Variants in ZNF527 observed in about 807,000 individuals in gnomAD.
The protein encoded by ZNF527 is zinc finger protein 527.
ZNF527 carries 5 observed loss-of-function variants against 13.5 expected under a neutral mutation model. The ratio of observed to expected loss-of-function variants is 0.37; its 90% CI spans 0.19 to 0.78. The LOEUF (loss-of-function observed/expected upper bound fraction) is 0.78, where lower values mean the gene tolerates loss of function less well. Ranked by LOEUF, ZNF527 falls within the 30% of genes least tolerant of loss-of-function variation. ZNF527 has a pLI of 0.48. For missense variants in ZNF527, 628 were observed against 726.4 expected (o/e 0.86, Z 1.56); for synonymous variants, 209 against 243.1 (o/e 0.86, Z 1.30).
At chr19:37,383,066 G>GT (rs1415590909) in intron 4 of ZNF527, among the ~76,000 whole-genome samples, 3 of 152,098 alleles carry the variant, frequency 2.0e-5, no homozygotes, top group Non-Finnish European at 4.4e-5. Flanking sequence ...TGTCTGCTTA[G>GT]TTTTTTTCCT....
At position 37,389,990 on chromosome 19, in the gene ZNF527, T is replaced by C; in HGVS notation, c.*111T>C. 7.3e-7 allele frequency: 1 copy of C among 1,368,156 alleles called. No individual in the cohort carries two copies. The highest frequency in any genetic ancestry group is 2.3e-5 in the East Asian group (1 of 43,060). The allele number at this position is 1,368,156 out of a possible 1,614,324, so 84.8% of individuals were successfully genotyped here. A position where few individuals can be genotyped will look rare whatever the true frequency, so the allele number is the denominator to read the frequency against. On this transcript the variant is annotated 3_prime_UTR_variant, in exon 5 of 5. Transcript: ENST00000436120. ...TGAATGTAGTTCATATTTCAGTTCATGAGTATCCGTTATTTGAAGTAGCTC... is the reference window on the plus strand; with the variant it reads ...TGAATGTAGTTCATATTTCAGTTCACGAGTATCCGTTATTTGAAGTAGCTC...
In ZNF527 at chr19:37,372,781, T is replaced by G. The variant is rs73629679; in HGVS notation, c.-41-1377T>G. On this transcript the variant is annotated intron_variant, in intron 1 of 4. Coordinates refer to ENST00000436120, the MANE Select transcript of ZNF527 (RefSeq NM_032453.2). ...AGCCACTGTGCCCAGCCTGTCTCTA[T>G]TTTTACAATGAAGAAATGTTGGCTC... Among the ~76,000 whole-genome samples, 1,347 of 152,256 alleles carry G rather than the reference T, an allele frequency of 8.8e-3. 20 individuals carry two copies. The highest frequency in any genetic ancestry group is 0.031 in the African/African-American group (1,273 of 41,548).
Position 37,386,140 on chromosome 19 carries a change from C to CTTTTTTTTTTTTTTTTTTTTT in ZNF527, c.257-2164_257-2144dup, listed in dbSNP as rs1050024983. ...TAGAACTTTCTTTTCTCTTCTTTTC[C>CTTTTTTTTTTTTTTTTTTTTT]TTTTTTTTTTTTTTTTTTTTTTGAG... On this transcript the variant is annotated intron_variant, in intron 4 of 4. Transcript: ENST00000436120. 1.9e-4 allele frequency among the ~76,000 whole-genome samples: 14 copies of CTTTTTTTTTTTTTTTTTTTTT among 72,464 alleles called. 1 individual carries two copies. The highest frequency in any genetic ancestry group is 7.0e-4 in the South Asian group (1 of 1,438). The allele number at this position is 72,464 out of a possible 152,430, so 47.5% of individuals were successfully genotyped here.
rs149147452 is a variant in ZNF527 at position 37,383,709 on chromosome 19, T to C, written c.256+3337T>C. Among the ~76,000 whole-genome samples the C allele has an allele frequency of 5.1e-3, 770 of 152,008 alleles. 3 individuals are homozygous for C. The highest frequency in any genetic ancestry group is 8.1e-3 in the Non-Finnish European group (553 of 67,976). On this transcript the variant is annotated intron_variant, in intron 4 of 4. Coordinates refer to ENST00000436120, the MANE Select transcript of ZNF527 (RefSeq NM_032453.2). ...GCGTACCACCACACCCAGTTAATTG[T>C]TGTATTTTTAGTAGAGACCGGGTTT...
rs1386631647 is a variant in ZNF527, at chr19:37,392,167, C to G, written c.*2288C>G. On this transcript the variant is annotated 3_prime_UTR_variant, in exon 5 of 5. Transcript: ENST00000436120. ...TTTCCAAACTTATGTTACATCTAAT[C>G]TGAAACATATTAATATTATAAGCTT... is the stretch of plus-strand genomic sequence containing the variant. The G allele has an allele frequency of 1.3e-5, 2 of 152,066 alleles. No homozygotes were observed. The highest frequency in any genetic ancestry group is 2.9e-5 in the Non-Finnish European group (2 of 68,014). The allele number at this position is 152,066 out of a possible 1,614,324, so 9.4% of individuals were successfully genotyped here.
chr19:37,384,213 A>G (rs917104847), intron 4 of ZNF527, among the ~76,000 whole-genome samples: 15 of 151,982 alleles, frequency 9.9e-5, no homozygotes, highest in Non-Finnish European at 2.2e-4. Flanking sequence ...AGCTACTCAG[A>G]AGGCTGAGGT....
rs780158050 is a variant in ZNF527 at position 37,379,174 on chromosome 19, T to G, written c.88T>G (p.Trp30Gly). ...AGACTTTTCCCAAGAAGAGTGGGAA[T>G]GGCTGAAGCCATCTCAGAAGGATTT... ...ALDFSQEEWEWLKPSQKDLYR... is the reference protein window; with the variant it reads ...ALDFSQEEWEGLKPSQKDLYR... The change falls in exon 3 of 5, where the codon TGG becomes GGG. Residue 30 changes from tryptophan to glycine, a missense_variant. Around this residue, in one of 3 missense-constraint regions of ZNF527, gnomAD observed 3 missense variants for 17.2 expected, o/e 0.17. Transcript: ENST00000436120. The G allele has an allele frequency of 6.2e-7, 1 of 1,613,978 alleles. No individual in the cohort carries two copies. The highest frequency in any genetic ancestry group is 2.2e-5 in the East Asian group (1 of 44,866).
intron 2 of ZNF527, 68 bp from the exon 3 acceptor site, chr19:37,379,052 A>G: frequency 6.3e-7 from 1 of 1,594,082 alleles, no homozygotes; most frequent in Non-Finnish European, 8.6e-7. Flanking sequence ...CTCTGGCCAA[A>G]TTCATCTTTT....
intron 1 of ZNF527, among the ~76,000 whole-genome samples, chr19:37,372,005 T>A (rs1488148486): frequency 6.6e-6 from 1 of 151,836 alleles, no homozygotes; most frequent in Non-Finnish European, 1.5e-5. Context: ...GCTTTTTTTT[T>A]TTTTTTTCTC....
In ZNF527 at chr19:37,392,133, T is replaced by A. The variant is rs2040759926; in HGVS notation, c.*2254T>A. 6.6e-6 allele frequency: 1 copy of A among 152,214 alleles called. No homozygotes were observed. Among genetic ancestry groups the A allele is most frequent in the African/African-American group, 2.4e-5 (1 of 41,460 alleles). 9.4% of individuals were successfully genotyped at this position (152,214 alleles called of 1,614,324 possible). A position where few individuals can be genotyped will look rare whatever the true frequency, so the allele number is the denominator to read the frequency against. On this transcript the variant is annotated 3_prime_UTR_variant, in exon 5 of 5. Coordinates refer to ENST00000436120, the MANE Select transcript of ZNF527 (RefSeq NM_032453.2). ...AACCTTGAATAGAAACAAATATGAT[T>A]ATAAAATATTTCCAAACTTATGTTA... is the stretch of plus-strand genomic sequence containing the variant.
chr19:37,374,158 G>T lies in ZNF527; in HGVS notation c.-41G>T. Reference sequence around the variant, plus strand: ...TTCTTCATTAACTCTCCCTTCTCAGGACTTTGTTCTTCTTCAGAAGAGAAA... The same window carrying T: ...TTCTTCATTAACTCTCCCTTCTCAGTACTTTGTTCTTCTTCAGAAGAGAAA... On this transcript the variant is annotated splice_region_variant and 5_prime_UTR_variant, in exon 2 of 5. Transcript: ENST00000436120. 1 of 1,605,064 alleles carries T rather than the reference G, an allele frequency of 6.2e-7. No individual in the cohort carries two copies. Among genetic ancestry groups the T allele is most frequent in the Non-Finnish European group, 8.5e-7 (1 of 1,171,946 alleles).
At chr19:37,380,150 C>G (rs986259290) in intron 3 of ZNF527, 127 bp from the exon 4 acceptor site, 12 of 1,443,696 alleles carry the variant, frequency 8.3e-6, no homozygotes, top group Non-Finnish European at 1.0e-5. Flanking sequence ...CTAGCTCTTC[C>G]TCTAATGTCC....
At chr19:37,373,801 T>C (rs1292073208) in intron 1 of ZNF527, among the ~76,000 whole-genome samples, 2 of 151,750 alleles carry the variant, frequency 1.3e-5, no homozygotes, top group Non-Finnish European at 2.9e-5. Flanking sequence ...GAAGAAGGGG[T>C]GTACAGTGTT....
At chr19:37,377,899 C>T (rs886736075) in intron 2 of ZNF527, among the ~76,000 whole-genome samples, 4 of 152,072 alleles carry the variant, frequency 2.6e-5, no homozygotes, top group African/African-American at 9.7e-5. Context: ...CAGTCAGCCT[C>T]CTAGGACTCA....
intron 1 of ZNF527, among the ~76,000 whole-genome samples, chr19:37,371,702 G>A (rs1477174497): frequency 1.3e-5 from 2 of 152,170 alleles, no homozygotes; most frequent in South Asian, 2.1e-4. Flanking sequence ...GTGACAAGAT[G>A]TGTGACTTCT....
chr19:37,379,226 A>G lies in ZNF527; in HGVS notation c.140A>G (p.Tyr47Cys), dbSNP rs561350704. 1.9e-6 allele frequency: 3 copies of G among 1,608,830 alleles called. No individual in the cohort carries two copies. Among genetic ancestry groups the G allele is most frequent in the East Asian group, 2.2e-5 (1 of 44,676 alleles). ...TACAGAGATGTCATGTTGGAGAACTACAGGAACTTGGTATGGCTTGGTAAG... is the reference window on the plus strand; with the variant it reads ...TACAGAGATGTCATGTTGGAGAACTGCAGGAACTTGGTATGGCTTGGTAAG... ...DLYRDVMLEN[Y>C]RNLVWLGLSI... The change falls in exon 3 of 5, where the codon TAC becomes TGC. Residue 47 changes from tyrosine to cysteine, a missense_variant. Physicochemically the swap from Tyr to Cys is radical, Grantham distance 194 (BLOSUM62 -2). Around this residue, in one of 3 missense-constraint regions of ZNF527, gnomAD observed 592 missense variants for 678.0 expected, o/e 0.87. Coordinates refer to ENST00000436120, the MANE Select transcript of ZNF527 (RefSeq NM_032453.2).
At chr19:37,372,780 A>G (rs944403135) in intron 1 of ZNF527, among the ~76,000 whole-genome samples, 3 of 151,802 alleles carry the variant, frequency 2.0e-5, no homozygotes, top group South Asian at 2.1e-4. Context: ...GCCTGTCTCT[A>G]TTTTTACAAT....
intron 1 of ZNF527, among the ~76,000 whole-genome samples, chr19:37,372,760 A>C (rs2040569676): frequency 6.6e-6 from 1 of 152,074 alleles, no homozygotes; most frequent in Non-Finnish European, 1.5e-5. Flanking sequence ...GGTGTGAGCC[A>C]CTGTGCCCAG....
At chr19:37,378,765 C>T (rs2040627946) in intron 2 of ZNF527, among the ~76,000 whole-genome samples, 1 of 152,182 alleles carries the variant, frequency 6.6e-6, no homozygotes, top group African/African-American at 2.4e-5. Flanking sequence ...CAAGGCCTTT[C>T]TCCTATTCTG....
Sources: allele counts gnomAD v4.1 joint callset (sites outside exome capture counted in the v4.1 genomes callset), GRCh38; gene constraint gnomAD v4.1.1; regional missense constraint gnomAD v4.1.1; transcripts MANE v1.5; gene names NCBI Gene and HGNC (gene_info 2026-07-23, HGNC 2026-07-21).